RIMS2: variants seen among roughly 807,000 people sequenced by gnomAD.
RIMS2 encodes regulating synaptic membrane exocytosis protein 2.
A neutral mutation model predicts 174.4 loss-of-function variants in RIMS2; 59 were observed. The ratio of observed to expected loss-of-function variants is 0.34; its 90% CI spans 0.27 to 0.42. The LOEUF (loss-of-function observed/expected upper bound fraction) is 0.42, where lower values mean the gene tolerates loss of function less well. Ranked by LOEUF, RIMS2 falls within the 10% of genes least tolerant of loss-of-function variation. The probability of loss-of-function intolerance (pLI) is 1.00; values close to 1 mark genes in which losing one functional copy is unlikely to be tolerated. For synonymous variants in RIMS2, 606 were observed against 572.5 expected (o/e 1.06, Z -0.84); for missense variants, 1,620 against 1,666.3 (o/e 0.97, Z 0.48).
intron 4 of RIMS2, among the ~76,000 whole-genome samples, chr8:103,886,899 CTTCCATT>C (rs1242210754): frequency 6.6e-6 from 1 of 151,648 alleles, no homozygotes; most frequent in Non-Finnish European, 1.5e-5. Flanking sequence ...ATTGCTGTGG[CTTCCATT>C]TGCCAATGTA....
chr8:104,157,533 C>G (rs933065897), intron 19 of RIMS2, among the ~76,000 whole-genome samples: 1 of 152,166 alleles, frequency 6.6e-6, no homozygotes, highest in African/African-American at 2.4e-5. Flanking sequence ...AACTATGTAT[C>G]CATTAAGCAA....
chr8:103,552,669 T>C (rs1237399985), intron 1 of RIMS2, among the ~76,000 whole-genome samples: 1 of 152,172 alleles, frequency 6.6e-6, no homozygotes, highest in Non-Finnish European at 1.5e-5. Context: ...ACCTACAGAA[T>C]GGGAGAAAAT....
At chr8:104,089,419 G>A (rs181631598) in intron 19 of RIMS2, among the ~76,000 whole-genome samples, 2 of 151,604 alleles carry the variant, frequency 1.3e-5, no homozygotes, top group African/African-American at 4.8e-5. Context: ...GTTGACTGTA[G>A]TATTAAGTTG....
chr8:103,779,681 C>G (rs2098363014), intron 3 of RIMS2, among the ~76,000 whole-genome samples: 1 of 142,162 alleles, frequency 7.0e-6, no homozygotes, highest in African/African-American at 2.7e-5. Context: ...CATGTTCTCA[C>G]TCATAGGTGG....
chr8:103,770,645 G>C (rs1031547860), intron 3 of RIMS2, among the ~76,000 whole-genome samples: 1 of 152,008 alleles, frequency 6.6e-6, no homozygotes, highest in South Asian at 2.1e-4. Context: ...CTGCCCTAGA[G>C]AGCAGTTCTC....
chr8:103,603,148 TC>T (rs1016067334), intron 1 of RIMS2, among the ~76,000 whole-genome samples: 3 of 76,800 alleles, frequency 3.9e-5, no homozygotes, highest in Admixed American at 1.9e-4. Context: ...CCCTCCCCCC[TC>T]CCCCCACCCC....
chr8:104,072,592 T>C (rs537184674), intron 19 of RIMS2, among the ~76,000 whole-genome samples: 2 of 152,192 alleles, frequency 1.3e-5, no homozygotes, highest in African/African-American at 2.4e-5. Context: ...TCCTGAGCTG[T>C]ATTCCTGAAA....
intron 1 of RIMS2, among the ~76,000 whole-genome samples, chr8:103,573,517 C>A (rs2092990714): frequency 6.6e-6 from 1 of 152,068 alleles, no homozygotes; most frequent in Non-Finnish European, 1.5e-5. Flanking sequence ...TGTCTAAGAT[C>A]ATTTTGTTGT....
chr8:103,882,707 T>G (rs1417467254), intron 3 of RIMS2, among the ~76,000 whole-genome samples: 1 of 151,600 alleles, frequency 6.6e-6, no homozygotes, highest in Non-Finnish European at 1.5e-5. Context: ...AATTCAATTT[T>G]CCTAAGGTAT....
exon 12 of RIMS2, chr8:103,931,372 T>C (rs759849753): frequency 6.3e-7 from 1 of 1,598,142 alleles, no homozygotes; most frequent in East Asian, 2.2e-5. Flanking sequence ...TATGTTAAAA[T>C]TTACTTTCTT....
At position 104,223,380 on chromosome 8, in the gene RIMS2, AG is replaced by A. The variant is rs1216103201; in HGVS notation, c.3335-21535del. 8.2e-6 allele frequency: 10 copies of A among 1,220,434 alleles called. No homozygotes were observed. The Admixed American group carries it at 1.3e-4, about 16-fold the overall frequency. The allele number at this position is 1,220,434 out of a possible 1,614,324, so 75.6% of individuals were successfully genotyped here. A position where few individuals can be genotyped will look rare whatever the true frequency, so the allele number is the denominator to read the frequency against. Reference sequence around the variant, plus strand: ...AGGATTCTCAGCTCCCTCCCGGGCGAGACCTCGGACGTTCACTGCGAGCAGC... The same window carrying A: ...AGGATTCTCAGCTCCCTCCCGGGCGAACCTCGGACGTTCACTGCGAGCAGC... On this transcript the variant is annotated intron_variant, in intron 19 of 23. Coordinates refer to ENST00000504942, the Ensembl canonical transcript of RIMS2.
chr8:103,674,353 A>G (rs1281409327), intron 1 of RIMS2, among the ~76,000 whole-genome samples: 7 of 152,184 alleles, frequency 4.6e-5, no homozygotes, highest in African/African-American at 1.7e-4. Context: ...GATACTATCA[A>G]TATAGAAGTT....
intron 1 of RIMS2, among the ~76,000 whole-genome samples, chr8:103,695,725 G>GC (rs1424774274): frequency 1.3e-5 from 2 of 149,412 alleles, no homozygotes; most frequent in African/African-American, 2.4e-5. Context: ...TGGGTTGACA[G>GC]TTTTTTTTTG....
chr8:103,931,399 G>T lies in RIMS2; in HGVS notation c.2375+6G>T. 6.4e-7 allele frequency: 1 copy of T among 1,561,116 alleles called. No individual in the cohort carries two copies. Among genetic ancestry groups the T allele is most frequent in the Non-Finnish European group, 8.7e-7 (1 of 1,155,520 alleles). On this transcript the variant is annotated splice_donor_region_variant and intron_variant, in intron 12 of 23. Coordinates refer to ENST00000504942, the Ensembl canonical transcript of RIMS2. ...TACTTTCTTCCAGACAGAAGGTAAGGATATAAAACAAAATAAATGTTCTGG... is the reference window on the plus strand; with the variant it reads ...TACTTTCTTCCAGACAGAAGGTAAGTATATAAAACAAAATAAATGTTCTGG...
chr8:103,565,626 A>G (rs1587874988), intron 1 of RIMS2, among the ~76,000 whole-genome samples: 1 of 152,176 alleles, frequency 6.6e-6, no homozygotes, highest in Non-Finnish European at 1.5e-5. Flanking sequence ...GGAATTTTAT[A>G]TAATTGTATA....
At chr8:104,099,903 G>A (rs747289403) in intron 19 of RIMS2, among the ~76,000 whole-genome samples, 22 of 151,034 alleles carry the variant, frequency 1.5e-4, no homozygotes, top group Non-Finnish European at 3.2e-4. Context: ...TGCAGCCTCT[G>A]TCTCCCCAGG....
At chr8:103,605,437 T>A (rs1038082205) in intron 1 of RIMS2, among the ~76,000 whole-genome samples, 1 of 145,186 alleles carries the variant, frequency 6.9e-6, no homozygotes, top group African/African-American at 2.7e-5. Context: ...TCAATATTCA[T>A]CAAGGGTATT....
chr8:103,802,389 G>A (rs2098616912), intron 3 of RIMS2, among the ~76,000 whole-genome samples: 1 of 152,070 alleles, frequency 6.6e-6, no homozygotes, highest in African/African-American at 2.4e-5. Context: ...GCCTCTAGTT[G>A]GGCTTTTATG....
At chr8:103,908,958 ATTC>A (rs1445851000) in intron 4 of RIMS2, among the ~76,000 whole-genome samples, 2 of 152,176 alleles carry the variant, frequency 1.3e-5, no homozygotes, top group African/African-American at 2.4e-5. Flanking sequence ...TTAATACTAT[ATTC>A]TTCTTCATTC....
Sources: allele counts gnomAD v4.1 joint callset (sites outside exome capture counted in the v4.1 genomes callset), GRCh38; gene constraint gnomAD v4.1.1; transcripts MANE v1.5; gene names NCBI Gene and HGNC (gene_info 2026-07-23, HGNC 2026-07-21).